KLRF1: variants seen among roughly 807,000 people sequenced by gnomAD.
KLRF1 encodes killer cell lectin like receptor F1.
A neutral mutation model predicts 30.7 loss-of-function variants in KLRF1; 27 were observed. That is an observed-to-expected ratio of 0.88 (90% CI 0.65 to 1.21). The LOEUF (loss-of-function observed/expected upper bound fraction) is 1.21. Ranked by LOEUF, KLRF1 falls within the 50% of genes most tolerant of loss-of-function variation. The pLI is 0.00. For missense variants in KLRF1, 246 were observed against 259.3 expected (o/e 0.95, Z 0.35); for synonymous variants, 92 against 89.3 (o/e 1.03, Z -0.17).
At chr12:9,824,125 GC>G (rs1444114139), upstream of KLRF1, among the ~76,000 whole-genome samples, 20 of 152,140 alleles carry the variant, frequency 1.3e-4, no homozygotes, top group Admixed American at 1.0e-3. Context: ...ATTCTATGAG[GC>G]CAACATCATC....
chr12:9,842,315 T>C lies in KLRF1; in HGVS notation c.475-6T>C, dbSNP rs1174156427. 1.2e-6 allele frequency: 2 copies of C among 1,610,284 alleles called. No individual in the cohort carries two copies. The highest frequency in any genetic ancestry group is 3.4e-5 in the Admixed American group (2 of 59,592). On this transcript the variant is annotated splice_polypyrimidine_tract_variant and splice_region_variant and intron_variant, in intron 4 of 5. Coordinates refer to ENST00000617889, the MANE Select transcript of KLRF1 (RefSeq NM_016523.3). ...TTGTTCATTTAGTCCCTCGTCCACA[T>C]TTTAGGCTTTTATACAGAAAAACCT...
At position 9,838,124 on chromosome 12, in the gene KLRF1, T is replaced by C. The variant is rs117439925; in HGVS notation, c.335-3688T>C. The stretch of plus-strand genomic sequence containing the variant: ...AGCTTCTGGAGGCAATCTTTCCTTC[T>C]GCACCTCCCTCTGTATCCATGAACG... On this transcript the variant is annotated intron_variant, in intron 3 of 5. Coordinates refer to ENST00000617889, the MANE Select transcript of KLRF1 (RefSeq NM_016523.3). 2.6e-3 allele frequency among the ~76,000 whole-genome samples: 389 copies of C among 152,260 alleles called. 2 individuals carry two copies. The highest frequency in any genetic ancestry group is 3.9e-3 in the Non-Finnish European group (265 of 67,980).
At chr12:9,822,780 C>T (rs1276930358), upstream of KLRF1, among the ~76,000 whole-genome samples, 5 of 151,804 alleles carry the variant, frequency 3.3e-5, no homozygotes, top group Non-Finnish European at 4.4e-5. Context: ...GAAAATCTAA[C>T]AAGCAAATGA....
chr12:9,833,070 C>T (rs1440029596), intron 2 of KLRF1, among the ~76,000 whole-genome samples: 1 of 152,048 alleles, frequency 6.6e-6, no homozygotes, highest in South Asian at 2.1e-4. Flanking sequence ...ATTACCAGTT[C>T]GTAGGAATGC....
intron 3 of KLRF1, among the ~76,000 whole-genome samples, chr12:9,839,166 C>T (rs770649404): frequency 3.3e-5 from 5 of 152,000 alleles, no homozygotes; most frequent in African/African-American, 1.2e-4. Context: ...ATGGTGCCAG[C>T]GTGGTTGGGT....
At chr12:9,837,199 A>C (rs1867595789) in intron 3 of KLRF1, among the ~76,000 whole-genome samples, 1 of 152,086 alleles carries the variant, frequency 6.6e-6, no homozygotes, top group African/African-American at 2.4e-5. Context: ...TTTTCATGGA[A>C]TAGAATCACA....
the KLRF1 span, among the ~76,000 whole-genome samples, chr12:9,819,351 C>T: frequency 6.6e-6 from 1 of 152,278 alleles, no homozygotes; most frequent in South Asian, 2.1e-4. Flanking sequence ...GACCCTCTGG[C>T]TTGGAACTCC....
At chr12:9,831,033 C>T (rs113947247) in intron 1 of KLRF1, among the ~76,000 whole-genome samples, 7,981 of 151,754 alleles carry the variant, frequency 0.053, 242 homozygotes, top group African/African-American at 0.083. Context: ...TGCAGTGGCG[C>T]GATCTCAGCT....
chr12:9,839,642 A>G (rs752787621), intron 3 of KLRF1, among the ~76,000 whole-genome samples: 2 of 152,254 alleles, frequency 1.3e-5, no homozygotes, highest in Admixed American at 6.6e-5. Flanking sequence ...ATCATTCATT[A>G]GGGAAATATG....
chr12:9,833,643 G>C (rs1463204305), intron 3 of KLRF1, among the ~76,000 whole-genome samples, 191 bp downstream of exon 3: 1 of 152,082 alleles, frequency 6.6e-6, no homozygotes, highest in African/African-American at 2.4e-5. Context: ...AACAACACAA[G>C]AAATAGGCTC....
the KLRF1 span, among the ~76,000 whole-genome samples, chr12:9,801,621 T>A: frequency 6.6e-6 from 1 of 152,180 alleles, no homozygotes; most frequent in Non-Finnish European, 1.5e-5. Context: ...TTTTTTCATA[T>A]GTTTGTTGGC....
In KLRF1 at chr12:9,841,891, T is replaced by G; in HGVS notation, c.414T>G (p.Ser138Arg). ...FSNEMKSWSD[S>R]YVYCLERKSH... is the part of the protein sequence containing the mutation. ...ATGAGATGAAAAGCTGGAGTGACAG[T>G]TATGTGTATTGTTTGGAAAGAAAAT... Residue 138 changes from serine (S) to arginine (R), a missense_variant, in exon 4 of 6, where the codon AGT becomes AGG. Coordinates refer to ENST00000617889, the MANE Select transcript of KLRF1 (RefSeq NM_016523.3). The G allele has an allele frequency of 6.2e-7, 1 of 1,611,710 alleles. No homozygotes were observed. Among genetic ancestry groups the G allele is most frequent in the African/African-American group, 1.3e-5 (1 of 74,922 alleles).
chr12:9,828,042 A>G (rs546137467), intron 1 of KLRF1, among the ~76,000 whole-genome samples: 211 of 152,188 alleles, frequency 1.4e-3, no homozygotes, highest in Non-Finnish European at 2.3e-3. Context: ...ATTTGCTGCC[A>G]TTCACCTCCT....
At chr12:9,808,924 C>T in the KLRF1 span, among the ~76,000 whole-genome samples, 3 of 151,990 alleles carry the variant, frequency 2.0e-5, no homozygotes, top group Admixed American at 1.3e-4. Context: ...GGTTAGGTGC[C>T]ATTAGTTAGG....
the KLRF1 span, among the ~76,000 whole-genome samples, chr12:9,810,900 C>T: frequency 6.6e-6 from 1 of 152,144 alleles, no homozygotes; most frequent in South Asian, 2.1e-4. Flanking sequence ...CATATATTGG[C>T]AAGTGTCCTC....
chr12:9,824,534 A>G (rs975881321), upstream of KLRF1, among the ~76,000 whole-genome samples: 2 of 152,190 alleles, frequency 1.3e-5, no homozygotes, highest in Middle Eastern at 6.3e-3. Flanking sequence ...GAAAGCTGGA[A>G]GCATTCCCCT....
Position 9,844,941 on chromosome 12 carries a change from CTT to C in KLRF1, c.*417_*418del, listed in dbSNP as rs1451394934. On this transcript the variant is annotated 3_prime_UTR_variant, in exon 6 of 6. Transcript: ENST00000617889. ...TTACCCTTTTGTCAAAGAGAATTAA[CTT>C]TGTTTCCAGGCTTTTGCTACTCTTC... 6.6e-6 allele frequency: 1 copy of C among 152,550 alleles called. No individual in the cohort carries two copies. Among genetic ancestry groups the C allele is most frequent in the Non-Finnish European group, 1.5e-5 (1 of 68,326 alleles). The allele number at this position is 152,550 out of a possible 1,614,324, so 9.4% of individuals were successfully genotyped here. A position where few individuals can be genotyped will look rare whatever the true frequency, so the allele number is the denominator to read the frequency against.
the KLRF1 span, chr12:9,818,072 A>C: frequency 2.4e-5 from 5 of 208,588 alleles, no homozygotes; most frequent in East Asian, 1.2e-4. Flanking sequence ...TGGGCTGCAC[A>C]TAACAACACT....
At chr12:9,816,788 C>CA in the KLRF1 span, among the ~76,000 whole-genome samples, 1 of 147,682 alleles carries the variant, frequency 6.8e-6, no homozygotes, top group Non-Finnish European at 1.5e-5. Context: ...GGCTGGAGTG[C>CA]AGTGGCGCGA....
Sources: gnomAD v4.1 joint callset for allele counts (sites outside exome capture counted in the v4.1 genomes callset) on GRCh38, gnomAD v4.1.1 for gene constraint, MANE v1.5 for transcripts, NCBI Gene and HGNC (gene_info 2026-07-23, HGNC 2026-07-21) for gene names.